The following CPNE7 variants were observed in gnomAD, a reference collection of about 807,000 sequenced individuals.
The protein encoded by CPNE7 is copine-7.
In CPNE7, 78 loss-of-function variants were observed where a neutral mutation model predicts 66.5. The ratio of observed to expected loss-of-function variants is 1.17; its 90% CI spans 0.98 to 1.42. The LOEUF (loss-of-function observed/expected upper bound fraction) is 1.42. CPNE7 is among the 40% of genes most tolerant of loss of function. CPNE7 has a pLI of 0.00. For synonymous variants in CPNE7, 468 were observed against 336.7 expected (o/e 1.39, Z -4.27); for missense variants, 1,012 against 776.6 (o/e 1.30, Z -3.60).
rs140031726 is a variant in CPNE7 at position 89,583,470 on chromosome 16, C to T, written c.358-227C>T. On this transcript the variant is annotated intron_variant, in intron 2 of 14. Coordinates refer to ENST00000319518, the MANE Select transcript of CPNE7 (RefSeq NM_153636.3). ...TATGATGACCTCTGCCTCCCCTGGGCGACTGCTGGCGCCGTGAGGTGGTGG... is the reference window on the plus strand; with the variant it reads ...TATGATGACCTCTGCCTCCCCTGGGTGACTGCTGGCGCCGTGAGGTGGTGG... The T allele has an allele frequency of 3.5e-5, 54 of 1,550,916 alleles. No individual in the cohort carries two copies. The highest frequency in any genetic ancestry group is 5.5e-5 in the African/African-American group (4 of 73,064).
chr16:89,575,883 C>T lies in CPNE7; in HGVS notation c.-15C>T. On this transcript the variant is annotated 5_prime_UTR_variant, in exon 1 of 15. Coordinates refer to ENST00000319518, the MANE Select transcript of CPNE7 (RefSeq NM_153636.3). ...CCCCTCAGTGCGCCCAGCCGGGCCC[C>T]CGAACGCCGGGAGCATGAGCGCGGG... is the stretch of plus-strand genomic sequence containing the variant. The T allele has an allele frequency of 8.3e-7, 1 of 1,208,650 alleles. No individual in the cohort carries two copies. The highest frequency in any genetic ancestry group is 1.0e-6 in the Non-Finnish European group (1 of 972,872). The allele number at this position is 1,208,650 out of a possible 1,614,324, so 74.9% of individuals were successfully genotyped here. A position where few individuals can be genotyped will look rare whatever the true frequency, so the allele number is the denominator to read the frequency against.
In CPNE7 at chr16:89,596,906, A is replaced by G. The variant is rs908833847; in HGVS notation, c.*285A>G. 4 of 329,530 alleles carry G rather than the reference A, an allele frequency of 1.2e-5. No homozygotes were observed. Among genetic ancestry groups the G allele is most frequent in the African/African-American group, 4.3e-5 (2 of 46,546 alleles). The allele number at this position is 329,530 out of a possible 1,614,324, so 20.4% of individuals were successfully genotyped here. On this transcript the variant is annotated 3_prime_UTR_variant, in exon 15 of 15. Coordinates refer to ENST00000319518, the MANE Select transcript of CPNE7 (RefSeq NM_153636.3). Reference sequence around the variant, plus strand: ...CTTGGAGGGAGCTGGGAGTTCATCCACGGGAGACCCTGCCCCGATGAGAAG... The same window carrying G: ...CTTGGAGGGAGCTGGGAGTTCATCCGCGGGAGACCCTGCCCCGATGAGAAG...
rs373981436 is a variant in CPNE7, at chr16:89,591,900, C to T, written c.1302+640C>T. Among the ~76,000 whole-genome samples the T allele has an allele frequency of 2.8e-3, 425 of 151,866 alleles. 9 individuals carry two copies. The highest frequency in any genetic ancestry group is 9.6e-3 in the African/African-American group (395 of 41,228). On this transcript the variant is annotated intron_variant, in intron 13 of 14. Transcript: ENST00000319518. Reference sequence around the variant, plus strand: ...ATTTTTAGTAGAGACGGGGTTTCACCCTGTTGGCCAAGCTGGTCTCAAACT... The same window carrying T: ...ATTTTTAGTAGAGACGGGGTTTCACTCTGTTGGCCAAGCTGGTCTCAAACT...
intron 10 of CPNE7, among the ~76,000 whole-genome samples, chr16:89,589,675 G>A (rs757459608): frequency 6.6e-6 from 1 of 152,176 alleles, no homozygotes; most frequent in Non-Finnish European, 1.5e-5. Flanking sequence ...CGTGGAGTTG[G>A]GAGGCAGGCT....
chr16:89,588,899 C>T, intron 10 of CPNE7, 91 bp downstream of exon 10: 4 of 1,536,448 alleles, frequency 2.6e-6, no homozygotes, highest in Admixed American at 1.7e-5. Context: ...CCCTGGTCTC[C>T]AGGTCAGCTA....
chr16:89,590,449 C>T (rs1489361640), intron 11 of CPNE7, among the ~76,000 whole-genome samples: 3 of 151,922 alleles, frequency 2.0e-5, no homozygotes, highest in South Asian at 2.1e-4. Context: ...TGCTTGAACC[C>T]GGGAGGCAGA....
At position 89,583,788 on chromosome 16, in the gene CPNE7, C is replaced by G. The variant is rs1016354033; in HGVS notation, c.432+17C>G. On this transcript the variant is annotated intron_variant, in intron 3 of 14. Transcript: ENST00000319518. ...ACCATCACGGTGAGACCCGGGCGCA[C>G]CCCTGCAGCCTGCAGGCCCTGCTGC... 6.2e-6 allele frequency: 10 copies of G among 1,611,930 alleles called. No individual in the cohort carries two copies. Among genetic ancestry groups the G allele is most frequent in the Non-Finnish European group, 8.5e-6 (10 of 1,179,590 alleles).
rs57032352 is a variant in CPNE7 at position 89,594,642 on chromosome 16, C to CTTTT, written c.1303-699_1303-696dup. Among the ~76,000 whole-genome samples the CTTTT allele has an allele frequency of 3.5e-4, 30 of 86,902 alleles. 6 individuals are homozygous for CTTTT. The East Asian group carries it at 0.013, about 39-fold the overall frequency. The allele number at this position is 86,902 out of a possible 152,430, so 57.0% of individuals were successfully genotyped here. ...GATTTTATTTGAAGTTCCATTCTGC[C>CTTTT]TTTTTTTTTTTTTTTTTTTTTTTTT... On this transcript the variant is annotated intron_variant, in intron 13 of 14. Coordinates refer to ENST00000319518, the MANE Select transcript of CPNE7 (RefSeq NM_153636.3).
intron 2 of CPNE7, among the ~76,000 whole-genome samples, chr16:89,579,489 C>T (rs2058913945): frequency 6.6e-6 from 1 of 151,426 alleles, no homozygotes; most frequent in African/African-American, 2.4e-5. Context: ...CATCCGATCA[C>T]CCGTCACACG....
intron 9 of CPNE7, chr16:89,587,715 AGCAC>A (rs2059081355): frequency 1.3e-5 from 2 of 149,442 alleles, no homozygotes; most frequent in Admixed American, 6.4e-5. Flanking sequence ...TCACCCCCAT[AGCAC>A]CCCCGTGTCA....
rs867738526 is a variant in CPNE7 at position 89,590,778 on chromosome 16, G to C, written c.1117-229G>C. 2.3e-3 allele frequency among the ~76,000 whole-genome samples: 207 copies of C among 89,904 alleles called. 3 individuals are homozygous for C. Among genetic ancestry groups the C allele is most frequent in the Middle Eastern group, 5.2e-3 (1 of 192 alleles). 59.0% of individuals were successfully genotyped at this position (89,904 alleles called of 152,430 possible). A position where few individuals can be genotyped will look rare whatever the true frequency, so the allele number is the denominator to read the frequency against. On this transcript the variant is annotated intron_variant, in intron 11 of 14. Coordinates refer to ENST00000319518, the MANE Select transcript of CPNE7 (RefSeq NM_153636.3). ...GGGAGCAGCTGACTGGGGGACATGGGGGCCGGGGACGGGGGGAGCAGCTGA... is the reference window on the plus strand; with the variant it reads ...GGGAGCAGCTGACTGGGGGACATGGCGGCCGGGGACGGGGGGAGCAGCTGA...
intron 2 of CPNE7, among the ~76,000 whole-genome samples, chr16:89,582,179 G>C (rs2058967022): frequency 6.6e-6 from 1 of 152,252 alleles, no homozygotes; most frequent in Non-Finnish European, 1.5e-5. Flanking sequence ...CCACGGTCAA[G>C]GGAGAAGCTA....
chr16:89,596,339 G>A lies in CPNE7; in HGVS notation c.1540-145G>A, dbSNP rs1597725890. 8 of 1,120,618 alleles carry A rather than the reference G, an allele frequency of 7.1e-6. No homozygotes were observed. The East Asian group carries it at 1.3e-4, about 18-fold the overall frequency. The allele number at this position is 1,120,618 out of a possible 1,614,324, so 69.4% of individuals were successfully genotyped here. ...GTGGCCGACATCCTCAGCAAGTCTT[G>A]CCCGGCACCCAGGTGAGCCTCTGGT... On this transcript the variant is annotated intron_variant, in intron 14 of 14. Coordinates refer to ENST00000319518, the MANE Select transcript of CPNE7 (RefSeq NM_153636.3).
rs376465846 is a variant in CPNE7, at chr16:89,587,887, G to C, written c.927+785G>C. Among the ~76,000 whole-genome samples the C allele has an allele frequency of 2.0e-3, 83 of 41,678 alleles. 1 individual carries two copies. Among genetic ancestry groups the C allele is most frequent in the Admixed American group, 4.2e-3 (11 of 2,630 alleles). 27.3% of individuals were successfully genotyped at this position (41,678 alleles called of 152,430 possible). A position where few individuals can be genotyped will look rare whatever the true frequency, so the allele number is the denominator to read the frequency against. Reference sequence around the variant, plus strand: ...AGATACACGGCCCCCCGTGTCACCCGCGTGTCACCCACAGATACACGGCCC... The same window carrying C: ...AGATACACGGCCCCCCGTGTCACCCCCGTGTCACCCACAGATACACGGCCC... On this transcript the variant is annotated intron_variant, in intron 9 of 14. Transcript: ENST00000319518.
At chr16:89,586,811 C>G (rs994238391) in intron 8 of CPNE7, 55 bp downstream of exon 8, 12 of 1,473,884 alleles carry the variant, frequency 8.1e-6, no homozygotes, top group Middle Eastern at 3.4e-4. Context: ...CTTCCGCTGC[C>G]TCCCTCTGAT....
At chr16:89,593,931 C>G (rs1326164677) in intron 13 of CPNE7, among the ~76,000 whole-genome samples, 1 of 152,186 alleles carries the variant, frequency 6.6e-6, no homozygotes, top group East Asian at 1.9e-4. Context: ...ATGTCAGTAT[C>G]AGCGTCTAAT....
intron 1 of CPNE7, among the ~76,000 whole-genome samples, chr16:89,576,951 G>A (rs1354873801): frequency 6.6e-6 from 1 of 151,036 alleles, no homozygotes; most frequent in East Asian, 2.0e-4. Context: ...TTCACATCCC[G>A]AGCCCACCAT....
At chr16:89,587,141 C>CCCCGCCCCTCCCCGCCCCCTCAGTCT (rs1567959528) in intron 9 of CPNE7, 39 bp downstream of exon 9, 1 of 649,810 alleles carries the variant, frequency 1.5e-6, no homozygotes, top group Non-Finnish European at 2.0e-6. Context: ...CCCCTCAGTC[C>CCCCGCCCCTCCCCGCCCCCTCAGTCT]GTGGCCCCGC....
intron 1 of CPNE7, 50 bp from the exon 2 acceptor site, chr16:89,577,489 C>CCCGGGGTGGAAGCCTCTGGAGT (rs1302765693): frequency 2.6e-6 from 4 of 1,535,008 alleles, no homozygotes; most frequent in Admixed American, 2.0e-5. Flanking sequence ...AGGTCTGGAG[C>CCCGGGGTGGAAGCCTCTGGAGT]CCGGGGTGGA....
Sources: allele counts gnomAD v4.1 joint callset (sites outside exome capture counted in the v4.1 genomes callset), GRCh38; gene constraint gnomAD v4.1.1; transcripts MANE v1.5; gene names NCBI Gene and HGNC (gene_info 2026-07-23, HGNC 2026-07-21).